MYO1F: variants seen among roughly 807,000 people sequenced by gnomAD.
The protein encoded by MYO1F is unconventional myosin-If.
Under a neutral mutation model 146.6 loss-of-function variants are expected in MYO1F, and 60 were observed. The ratio of observed to expected loss-of-function variants is 0.41; its 90% CI spans 0.33 to 0.51. MYO1F has a LOEUF of 0.51. Among genes scored for constraint, MYO1F ranks in the 20% least tolerant of loss-of-function variants. MYO1F has a pLI of 0.25. For synonymous variants in MYO1F, 602 were observed against 602.1 expected (o/e 1.00, Z 0.00); for missense variants, 1,274 against 1,534.3 (o/e 0.83, Z 2.83).
rs56843156 is a variant in MYO1F at position 8,543,786 on chromosome 19, C to G, written c.1524+511G>C. Among the ~76,000 whole-genome samples the G allele has an allele frequency of 4.5e-3, 49 of 10,866 alleles. 4 individuals are homozygous for G. Among genetic ancestry groups the G allele is most frequent in the African/African-American group, 0.014 (25 of 1,844 alleles). 7.1% of individuals were successfully genotyped at this position (10,866 alleles called of 152,430 possible). A position where few individuals can be genotyped will look rare whatever the true frequency, so the allele number is the denominator to read the frequency against. On this transcript the variant is annotated intron_variant, in intron 14 of 27. Transcript: ENST00000644032. Reference sequence around the variant, plus strand: ...GGTGGTGCTGGTGGTGCTGGTGGTGCTGGTGGTGGTGGTGCTGGTGGTGCT... The same window carrying G: ...GGTGGTGCTGGTGGTGCTGGTGGTGGTGGTGGTGGTGGTGCTGGTGGTGCT...
chr19:8,554,640 A>G lies in MYO1F; in HGVS notation c.231+14T>C, dbSNP rs1251912305. The G allele has an allele frequency of 9.9e-6, 16 of 1,613,634 alleles. No individual in the cohort carries two copies. Among genetic ancestry groups the G allele is most frequent in the Non-Finnish European group, 1.4e-5 (16 of 1,179,798 alleles). ...AGTCTGGGGGCTGTGCCTCCCACCC[A>G]GCCCCAGCCTCACCGCGCCCTGATA... is the stretch of plus-strand genomic sequence containing the variant. On this transcript the variant is annotated intron_variant, in intron 3 of 27. Coordinates refer to ENST00000644032, the MANE Select transcript of MYO1F (RefSeq NM_012335.4).
At chr19:8,567,522 G>GA (rs2042026625) in intron 1 of MYO1F, among the ~76,000 whole-genome samples, 1 of 151,976 alleles carries the variant, frequency 6.6e-6, no homozygotes, top group Non-Finnish European at 1.5e-5. Context: ...GCGCCTGGCT[G>GA]ATTTTTGTAT....
chr19:8,545,848 A>G, intron 12 of MYO1F, 112 bp from the exon 13 acceptor site: 1 of 811,250 alleles, frequency 1.2e-6, no homozygotes, highest in South Asian at 1.4e-5. Flanking sequence ...CTCTGGTAAC[A>G]AAGCCCGTCA....
intron 16 of MYO1F, among the ~76,000 whole-genome samples, chr19:8,537,874 C>T (rs965580914): frequency 3.3e-5 from 5 of 152,062 alleles, no homozygotes; most frequent in Admixed American, 6.6e-5. Flanking sequence ...GATTACAGGT[C>T]TGAGCCACTG....
At chr19:8,523,250 G>A (rs564437591) in intron 25 of MYO1F, among the ~76,000 whole-genome samples, 3 of 152,212 alleles carry the variant, frequency 2.0e-5, no homozygotes, top group Non-Finnish European at 4.4e-5. Flanking sequence ...AGCCAGGATG[G>A]TCTCGATCTC....
chr19:8,525,268 G>T (rs1972218302), intron 25 of MYO1F: 14 of 451,622 alleles, frequency 3.1e-5, no homozygotes, highest in East Asian at 7.9e-5. Context: ...GAGAGAAGAT[G>T]TCAGTGGTTA....
intron 27 of MYO1F, among the ~76,000 whole-genome samples, chr19:8,521,943 C>T (rs1168431908): frequency 1.3e-5 from 2 of 152,050 alleles, no homozygotes; most frequent in East Asian, 3.8e-4. Context: ...GTATGAGCCA[C>T]CTCGCCCATC....
intron 5 of MYO1F, 21 bp downstream of exon 5, chr19:8,553,329 C>T (rs776091307): frequency 3.6e-5 from 58 of 1,613,482 alleles, no homozygotes; most frequent in Non-Finnish European, 4.7e-5. Context: ...CCAGCTTATC[C>T]TTCTGTTTTC....
intron 11 of MYO1F, 33 bp from the exon 12 acceptor site, chr19:8,548,155 T>C (rs752824167): frequency 6.2e-7 from 1 of 1,613,468 alleles, no homozygotes; most frequent in South Asian, 1.1e-5. Flanking sequence ...CTTCCCTCAA[T>C]GTCCTGGTGC....
intron 1 of MYO1F, among the ~76,000 whole-genome samples, chr19:8,574,621 CTT>C (rs1208064823): frequency 0.1 from 5,901 of 58,314 alleles, 257 homozygotes; most frequent in East Asian, 0.21. Flanking sequence ...TTCTTTCTTT[CTT>C]TCTTTCTTTC....
At position 8,551,740 on chromosome 19, in the gene MYO1F, C is replaced by G; in HGVS notation, c.771G>C (p.Leu257=). 6.2e-7 allele frequency: 1 copy of G among 1,614,164 alleles called. No individual in the cohort carries two copies. Among genetic ancestry groups the G allele is most frequent in the Non-Finnish European group, 8.5e-7 (1 of 1,180,038 alleles). ...TDDRSDFGET[L]SAMQVIGIPP... ...GACTGGAGTAGAGGCCGGTGCTCAC[C>G]AGAGTCTCACCAAAGTCGCTTCTGT... is the stretch of plus-strand genomic sequence containing the variant. The change falls in exon 8 of 28, where the codon CTG becomes CTC. Residue 257 remains leucine (L), a splice_region_variant and synonymous_variant. Coordinates refer to ENST00000644032, the MANE Select transcript of MYO1F (RefSeq NM_012335.4).
At chr19:8,561,650 A>T (rs1391409938) in intron 1 of MYO1F, among the ~76,000 whole-genome samples, 188 of 83,684 alleles carry the variant, frequency 2.2e-3, no homozygotes, top group East Asian at 2.9e-3. Context: ...CTTTCCTTCC[A>T]TTTTTTCTTT....
intron 21 of MYO1F, chr19:8,529,737 C>A (rs1051312667): frequency 6.6e-6 from 2 of 300,812 alleles, no homozygotes; most frequent in Non-Finnish European, 1.3e-5. Flanking sequence ...GAGGGTGTAT[C>A]TGACAGGTGT....
chr19:8,550,172 G>T lies in MYO1F; in HGVS notation c.1089C>A (p.Asp363Glu), dbSNP rs1973541917. ...LAKGLYARLFDFLVEAINRAM... is the reference protein window; with the variant it reads ...LAKGLYARLFEFLVEAINRAM... ...CAGCCCCACTCGCCTCCACGAGGAAGTCGAAGAGGCGGGCATAGAGCCCCT... is the reference window on the plus strand; with the variant it reads ...CAGCCCCACTCGCCTCCACGAGGAATTCGAAGAGGCGGGCATAGAGCCCCT... The change falls in exon 10 of 28, where the codon GAC (aspartate) becomes GAA (glutamate). Residue 363 changes from aspartate to glutamate, a missense_variant. Coordinates refer to ENST00000644032, the MANE Select transcript of MYO1F (RefSeq NM_012335.4). The T allele has an allele frequency of 6.2e-7, 1 of 1,614,112 alleles. No homozygotes were observed. The highest frequency in any genetic ancestry group is 8.5e-7 in the Non-Finnish European group (1 of 1,180,046).
At chr19:8,564,250 A>G (rs796825874) in intron 1 of MYO1F, among the ~76,000 whole-genome samples, 5 of 152,002 alleles carry the variant, frequency 3.3e-5, no homozygotes, top group African/African-American at 1.2e-4. Flanking sequence ...GCGTGGTGTC[A>G]GGCGCCTGTA....
At position 8,560,293 on chromosome 19, in the gene MYO1F, G is replaced by A. The variant is rs1366068071; in HGVS notation, c.4-4497C>T. ...AGGTCAGGAGATCGAGACCATCCTGGCTAACATGGTGAAACCCCATCTCTA... is the reference window on the plus strand; with the variant it reads ...AGGTCAGGAGATCGAGACCATCCTGACTAACATGGTGAAACCCCATCTCTA... On this transcript the variant is annotated intron_variant, in intron 1 of 27. Coordinates refer to ENST00000644032, the MANE Select transcript of MYO1F (RefSeq NM_012335.4). Among the ~76,000 whole-genome samples the A allele has an allele frequency of 2.0e-5, 3 of 151,710 alleles. No individual in the cohort carries two copies. The Admixed American group carries it at 2.0e-4, about 10-fold the overall frequency.
chr19:8,522,690 A>T lies in MYO1F; in HGVS notation c.2994T>A (p.Arg998=), dbSNP rs1329541827. 1 of 1,613,730 alleles carries T rather than the reference A, an allele frequency of 6.2e-7. No homozygotes were observed. Among genetic ancestry groups the T allele is most frequent in the Non-Finnish European group, 8.5e-7 (1 of 1,179,970 alleles). Residue 998 remains arginine (R), a synonymous_variant, in exon 26 of 28, where the codon CGT becomes CGA. Coordinates refer to ENST00000644032, the MANE Select transcript of MYO1F (RefSeq NM_012335.4). ...SLGASRRPRA[R]PPSEHNTEFL... Reference sequence around the variant, plus strand: ...ATTCTGTGTTGTGCTCTGAGGGCGGACGTGCCCGGGGTCGTCTGCTGGCTC... The same window carrying T: ...ATTCTGTGTTGTGCTCTGAGGGCGGTCGTGCCCGGGGTCGTCTGCTGGCTC...
At position 8,524,457 on chromosome 19, in the gene MYO1F, C is replaced by T. The variant is rs868366109; in HGVS notation, c.2854+1022G>A. Among the ~76,000 whole-genome samples the T allele has an allele frequency of 7.4e-5, 11 of 149,280 alleles. 1 individual carries two copies. In the South Asian group the frequency reaches 1.9e-3, roughly 26 times the overall value. On this transcript the variant is annotated intron_variant, in intron 25 of 27. Coordinates refer to ENST00000644032, the MANE Select transcript of MYO1F (RefSeq NM_012335.4). ...AAAAAAATCTAGGCGTGGTAGCACA[C>T]GCCTGTAGTCCCAGCTACTCAGGGG...
intron 2 of MYO1F, chr19:8,555,375 TC>T (rs1568362993): frequency 9.8e-6 from 2 of 204,792 alleles, no homozygotes; most frequent in Non-Finnish European, 1.7e-5. Context: ...AGACTCCGTC[TC>T]AAAAAAAAAA....
Sources: allele counts gnomAD v4.1 joint callset (sites outside exome capture counted in the v4.1 genomes callset), GRCh38; gene constraint gnomAD v4.1.1; transcripts MANE v1.5; gene names NCBI Gene and HGNC (gene_info 2026-07-23, HGNC 2026-07-21).